TENM3: variants seen among roughly 807,000 people sequenced by gnomAD.
The protein encoded by TENM3 is teneurin transmembrane protein 3.
Under a neutral mutation model 255.1 loss-of-function variants are expected in TENM3, and 63 were observed. The ratio of observed to expected loss-of-function variants is 0.25; its 90% CI spans 0.20 to 0.30. The LOEUF is 0.30. Ranked by LOEUF, TENM3 falls within the 10% of genes least tolerant of loss-of-function variation. The probability of loss-of-function intolerance (pLI) is 1.00; values close to 1 mark genes in which losing one functional copy is unlikely to be tolerated. For synonymous variants in TENM3, 1,306 were observed against 1,322.3 expected, an observed-to-expected ratio of 0.99 and a Z score of 0.27; for missense variants, 2,929 against 3,461.1, an observed-to-expected ratio of 0.85 and a Z score of 3.86.
intron 9 of TENM3, 52 bp from the exon 10 acceptor site, chr4:182,680,488 CGGA>C: frequency 1.3e-6 from 2 of 1,587,980 alleles, no homozygotes; most frequent in Non-Finnish European, 1.7e-6. Flanking sequence ...TCTTTTCTTT[CGGA>C]AGCTCGGTGG....
At chr4:182,238,539 A>G (rs545597698), upstream of TENM3, among the ~76,000 whole-genome samples, 1 of 152,256 alleles carries the variant, frequency 6.6e-6, no homozygotes, top group African/African-American at 2.4e-5. Flanking sequence ...GGAATCCTTC[A>G]CTAGCAGGGG....
At chr4:181,864,797 T>C in the TENM3 span, among the ~76,000 whole-genome samples, 1 of 152,172 alleles carries the variant, frequency 6.6e-6, no homozygotes, top group Non-Finnish European at 1.5e-5. Context: ...CTTTGTGTGT[T>C]ACATTGTTCT....
intron 3 of TENM3, among the ~76,000 whole-genome samples, chr4:182,428,940 A>G (rs1200795848): frequency 6.6e-6 from 1 of 152,044 alleles, no homozygotes; most frequent in Non-Finnish European, 1.5e-5. Flanking sequence ...ATCCTGTTTT[A>G]TGTGTGTATA....
Position 182,789,593 on chromosome 4 carries a change from G to A in TENM3, c.5601+204G>A, listed in dbSNP as rs540122538. Among the ~76,000 whole-genome samples the A allele has an allele frequency of 9.9e-5, 15 of 152,240 alleles. No individual in the cohort carries two copies. Among genetic ancestry groups the A allele is most frequent in the Non-Finnish European group, 1.9e-4 (13 of 68,048 alleles). ...AGTTTCTCCTTAGTTAAGTTCTACT[G>A]TCTGAGACCCTTTTAAGTGATTTAT... On this transcript the variant is annotated intron_variant, in intron 25 of 27. Transcript: ENST00000511685. This position sits in a 1 kb window ranked among gnomAD's most constrained non-coding sequence, Gnocchi z 4.4.
rs80332697 is a variant in TENM3 at position 182,589,540 on chromosome 4, T to C, written c.512-11384T>C. On this transcript the variant is annotated intron_variant, in intron 3 of 27. Coordinates refer to ENST00000511685, the MANE Select transcript of TENM3 (RefSeq NM_001080477.4). The stretch of plus-strand genomic sequence containing the variant: ...TTACCCCAAGTTTGGGGAAGACAAA[T>C]TGCTGCTTTTTGTTTTGTCTGTAGA... 6.2e-3 allele frequency among the ~76,000 whole-genome samples: 933 copies of C among 150,796 alleles called. 8 individuals carry two copies. Among genetic ancestry groups the C allele is most frequent in the African/African-American group, 0.022 (900 of 41,262 alleles).
chr4:182,447,646 T>C (rs1773038312), intron 3 of TENM3, among the ~76,000 whole-genome samples: 1 of 152,156 alleles, frequency 6.6e-6, no homozygotes, highest in African/African-American at 2.4e-5. Flanking sequence ...AATTTTTTGG[T>C]TTGGGTCTGT....
intron 20 of TENM3, among the ~76,000 whole-genome samples, chr4:182,752,595 T>C (rs986439710): frequency 6.6e-6 from 1 of 152,186 alleles, no homozygotes; most frequent in Non-Finnish European, 1.5e-5. Context: ...TCATGTATTA[T>C]GGCACTGAAT....
the TENM3 span, among the ~76,000 whole-genome samples, chr4:181,914,716 G>A: frequency 6.6e-6 from 1 of 152,180 alleles, no homozygotes. Context: ...GGGAAAGGAG[G>A]AGATAATTAA....
chr4:182,191,754 G>T (rs1753536408), intron 1 of TENM3, among the ~76,000 whole-genome samples: 1 of 152,104 alleles, frequency 6.6e-6, no homozygotes, highest in African/African-American at 2.4e-5. Flanking sequence ...CTATCAGCCA[G>T]AGATCTAAAG....
chr4:182,792,968 T>G lies in TENM3; in HGVS notation c.6296T>G (p.Met2099Arg). 1 of 1,613,878 alleles carries G rather than the reference T, an allele frequency of 6.2e-7. No homozygotes were observed. Among genetic ancestry groups the G allele is most frequent in the South Asian group, 1.1e-5 (1 of 91,050 alleles). The change falls in exon 26 of 28, where the codon ATG becomes AGG. Residue 2099 changes from methionine to arginine, a missense_variant. This residue lies in a region of TENM3 where 256 missense variants were observed against 389.3 expected (regional missense o/e 0.66). Transcript: ENST00000511685. This position sits in a 1 kb window ranked among gnomAD's most constrained non-coding sequence, Gnocchi z 6.3. ...CAATATGAGATATTCAGGTCGCTCA[T>G]GTACTGGATTACAATTCAGTATGAT... ...EIQYEIFRSLMYWITIQYDNM... is the reference protein window; with the variant it reads ...EIQYEIFRSLRYWITIQYDNM...
intron 6 of TENM3, among the ~76,000 whole-genome samples, chr4:182,668,663 T>C (rs538570498): frequency 7.2e-5 from 11 of 152,208 alleles, no homozygotes; most frequent in Non-Finnish European, 1.3e-4. Flanking sequence ...TAAATAGATA[T>C]ACTTCGCGAC....
At chr4:181,507,458 A>T in the TENM3 span, among the ~76,000 whole-genome samples, 1 of 152,176 alleles carries the variant, frequency 6.6e-6, no homozygotes, top group Non-Finnish European at 1.5e-5. Flanking sequence ...CTAAACACAG[A>T]TGGAGCTTTT....
At chr4:182,140,186 G>A (rs1749294904), upstream of TENM3, among the ~76,000 whole-genome samples, 1 of 152,178 alleles carries the variant, frequency 6.6e-6, no homozygotes, top group Non-Finnish European at 1.5e-5. Flanking sequence ...CACTGTTGCA[G>A]ATTAATTGCT....
chr4:182,631,099 T>A (rs1366620035), intron 5 of TENM3, among the ~76,000 whole-genome samples: 1 of 152,166 alleles, frequency 6.6e-6, no homozygotes, highest in Non-Finnish European at 1.5e-5. Flanking sequence ...TAGTTTTACT[T>A]TTTAGTAATT....
intron 3 of TENM3, among the ~76,000 whole-genome samples, chr4:182,409,077 G>A (rs767513704): frequency 2.0e-5 from 3 of 152,188 alleles, no homozygotes; most frequent in Non-Finnish European, 2.9e-5. Flanking sequence ...GGTAAACATC[G>A]CAAATGAGAG....
chr4:181,832,507 C>T, the TENM3 span, among the ~76,000 whole-genome samples: 1 of 152,162 alleles, frequency 6.6e-6, no homozygotes, highest in African/African-American at 2.4e-5. Flanking sequence ...TTCTGCAATC[C>T]TCTTAGCTCT....
the TENM3 span, among the ~76,000 whole-genome samples, chr4:181,555,361 CT>C: frequency 6.6e-6 from 1 of 152,152 alleles, no homozygotes; most frequent in African/African-American, 2.4e-5. Context: ...AAATTAGTTG[CT>C]TCTTATTGTA....
At chr4:181,751,634 C>T in the TENM3 span, among the ~76,000 whole-genome samples, 1 of 151,932 alleles carries the variant, frequency 6.6e-6, no homozygotes. Context: ...CTAAGGGAAG[C>T]CCTAGGGTAG....
rs191167740 is a variant in TENM3, at chr4:182,349,336, A to G, written c.511+2407A>G. Among the ~76,000 whole-genome samples, 196 of 152,342 alleles carry G rather than the reference A, an allele frequency of 1.3e-3. 1 individual carries two copies. The highest frequency in any genetic ancestry group is 4.6e-3 in the African/African-American group (191 of 41,588). ...TGTCTTAATGAATACTGGCTATTGC[A>G]TATATTTCAAACATATGTCCATAGG... On this transcript the variant is annotated intron_variant, in intron 3 of 27. Transcript: ENST00000511685.
Sources: allele counts gnomAD v4.1 joint callset (sites outside exome capture counted in the v4.1 genomes callset), GRCh38; gene constraint gnomAD v4.1.1; regional missense constraint gnomAD v4.1.1; non-coding constraint Gnocchi (gnomAD v3.1); transcripts MANE v1.5; gene names NCBI Gene and HGNC (gene_info 2026-07-23, HGNC 2026-07-21).